The following PTPRD variants were observed in gnomAD, a reference collection of about 807,000 sequenced individuals.
PTPRD encodes the protein protein tyrosine phosphatase receptor type D.
PTPRD carries 34 observed loss-of-function variants against 214.5 expected under a neutral mutation model. The ratio of observed to expected loss-of-function variants is 0.16; its 90% CI spans 0.12 to 0.21. The LOEUF (loss-of-function observed/expected upper bound fraction) is 0.21, where lower values mean the gene tolerates loss of function less well. Ranked by LOEUF, PTPRD falls within the 10% of genes least tolerant of loss-of-function variation. The pLI is 1.00. For missense variants in PTPRD, 2,545 were observed against 2,398.7 expected, an observed-to-expected ratio of 1.06 and a Z score of -1.27; for synonymous variants, 1,128 against 845.7, an observed-to-expected ratio of 1.33 and a Z score of -5.79.
intron 4 of PTPRD, among the ~76,000 whole-genome samples, chr9:9,991,921 G>T (rs946094233): frequency 6.6e-6 from 1 of 151,594 alleles, no homozygotes; most frequent in African/African-American, 2.4e-5. Flanking sequence ...ACATTCAGTA[G>T]AGTAATAATC....
chr9:9,383,282 C>T (rs921483488), intron 9 of PTPRD, among the ~76,000 whole-genome samples: 3 of 152,034 alleles, frequency 2.0e-5, no homozygotes, highest in African/African-American at 4.8e-5. Flanking sequence ...TCCAATGAAC[C>T]AATACCTGCT....
chr9:10,540,590 C>T (rs1163128909), intron 2 of PTPRD, among the ~76,000 whole-genome samples: 1 of 152,138 alleles, frequency 6.6e-6, no homozygotes. Flanking sequence ...TCCATTCCTA[C>T]ATGTTTAGTT....
At chr9:8,567,756 T>C (rs1048950526) in intron 14 of PTPRD, among the ~76,000 whole-genome samples, 2 of 152,158 alleles carry the variant, frequency 1.3e-5, no homozygotes, top group Admixed American at 1.3e-4. Context: ...CTGGAAGTAA[T>C]TATAGATATT....
At chr9:8,975,696 C>T (rs965551151) in intron 11 of PTPRD, among the ~76,000 whole-genome samples, 2 of 151,580 alleles carry the variant, frequency 1.3e-5, no homozygotes, top group African/African-American at 4.8e-5. Flanking sequence ...AAATATGTAA[C>T]TCTGATACTT....
chr9:9,981,032 C>G (rs2095526522), intron 4 of PTPRD, among the ~76,000 whole-genome samples: 1 of 150,810 alleles, frequency 6.6e-6, no homozygotes, highest in Non-Finnish European at 1.5e-5. Flanking sequence ...GATTTCCATT[C>G]CAAGATCTAT....
chr9:8,595,492 A>C (rs2094432296), intron 14 of PTPRD, among the ~76,000 whole-genome samples: 1 of 152,130 alleles, frequency 6.6e-6, no homozygotes, highest in African/African-American at 2.4e-5. Context: ...GGAGAAAAAC[A>C]ATGTACACAC....
intron 11 of PTPRD, among the ~76,000 whole-genome samples, chr9:8,874,024 C>T (rs1202804108): frequency 2.0e-5 from 3 of 152,132 alleles, no homozygotes; most frequent in Non-Finnish European, 4.4e-5. Flanking sequence ...AAAACTACAT[C>T]TAAAAGATTA....
At chr9:9,936,742 T>G (rs1330640054) in intron 5 of PTPRD, among the ~76,000 whole-genome samples, 1 of 138,938 alleles carries the variant, frequency 7.2e-6, no homozygotes, top group Non-Finnish European at 1.5e-5. Flanking sequence ...CCCAAAGGAC[T>G]ATAAATCATG....
intron 9 of PTPRD, among the ~76,000 whole-genome samples, chr9:9,310,682 C>T (rs1036021276): frequency 1.7e-4 from 26 of 152,040 alleles, no homozygotes; most frequent in African/African-American, 5.6e-4. Flanking sequence ...CTTTGGGAGG[C>T]GGAAGCAGGC....
intron 36 of PTPRD, among the ~76,000 whole-genome samples, chr9:8,401,675 A>T (rs2092417566): frequency 6.6e-6 from 1 of 152,162 alleles, no homozygotes; most frequent in Admixed American, 6.5e-5. Flanking sequence ...TTTCCCTGTT[A>T]TTCTCTCAGT....
chr9:8,504,366 G>C lies in PTPRD; in HGVS notation c.1717C>G (p.Gln573Glu), dbSNP rs2137233493. Residue 573 changes from glutamine (Q) to glutamate (E), a missense_variant, in exon 23 of 46, where the codon CAA becomes GAA. By Grantham distance (29) the Gln-to-Glu change is conservative (BLOSUM62 2). Coordinates refer to ENST00000381196, the MANE Select transcript of PTPRD (RefSeq NM_002839.4). ...TIEPGTSYRL[Q>E]GLKPNSLYYF... ...TATAAGCTGTTTGGTTTCAGTCCTT[G>C]CAGCCTATATGATGTCCCTGGCTCA... The C allele has an allele frequency of 6.2e-7, 1 of 1,614,130 alleles. No homozygotes were observed. The highest frequency in any genetic ancestry group is 8.5e-7 in the Non-Finnish European group (1 of 1,179,996).
At chr9:9,204,531 C>T (rs1982319) in intron 9 of PTPRD, among the ~76,000 whole-genome samples, 106,667 of 151,972 alleles carry the variant, frequency 0.7, 37,862 homozygotes, top group Non-Finnish European at 0.75. Flanking sequence ...GGAACACTCA[C>T]GAGTCCTTTG....
chr9:9,682,542 T>C (rs2097094867), intron 7 of PTPRD, among the ~76,000 whole-genome samples: 1 of 151,620 alleles, frequency 6.6e-6, no homozygotes, highest in Non-Finnish European at 1.5e-5. Flanking sequence ...AATGCAAGTG[T>C]GGGTCCTTAT....
chr9:9,265,358 CT>C (rs1938834686), intron 9 of PTPRD, among the ~76,000 whole-genome samples: 1 of 151,544 alleles, frequency 6.6e-6, no homozygotes. Flanking sequence ...AACTCCTGGG[CT>C]GAAGTGATGC....
chr9:8,721,546 T>C (rs2098498548), intron 12 of PTPRD, among the ~76,000 whole-genome samples: 1 of 151,886 alleles, frequency 6.6e-6, no homozygotes, highest in Non-Finnish European at 1.5e-5. Flanking sequence ...TTGATAAAAA[T>C]AAAATATTAA....
In PTPRD at chr9:8,964,190, GTGTTTTT is replaced by G. The variant is rs1287238743; in HGVS notation, c.-104+54500_-104+54506del. Among the ~76,000 whole-genome samples, 10 of 52,948 alleles carry G rather than the reference GTGTTTTT, an allele frequency of 1.9e-4. No individual in the cohort carries two copies. In the East Asian group the frequency reaches 9.3e-3, roughly 49 times the overall value. The allele number at this position is 52,948 out of a possible 152,430, so 34.7% of individuals were successfully genotyped here. A position where few individuals can be genotyped will look rare whatever the true frequency, so the allele number is the denominator to read the frequency against. ...CTGTGAATCTATCTAGTTCAGGGCT[GTGTTTTT>G]TTTTTTTTTTTTTTTTTTTTGCTGA... On this transcript the variant is annotated intron_variant, in intron 11 of 45. Coordinates refer to ENST00000381196, the MANE Select transcript of PTPRD (RefSeq NM_002839.4).
intron 2 of PTPRD, among the ~76,000 whole-genome samples, chr9:10,425,871 T>C (rs1169739242): frequency 6.6e-6 from 1 of 151,966 alleles, no homozygotes; most frequent in Non-Finnish European, 1.5e-5. Context: ...TCATAAGTCA[T>C]ATACAATTTT....
At chr9:9,110,004 A>C (rs2099803878) in intron 10 of PTPRD, among the ~76,000 whole-genome samples, 2 of 152,118 alleles carry the variant, frequency 1.3e-5, no homozygotes, top group African/African-American at 2.4e-5. Flanking sequence ...TTGGCACCAA[A>C]CCAGGAGCTC....
intron 11 of PTPRD, among the ~76,000 whole-genome samples, chr9:8,773,025 T>C (rs972692664): frequency 7.9e-5 from 12 of 152,324 alleles, no homozygotes; most frequent in African/African-American, 2.6e-4. Flanking sequence ...CTCTACTGAA[T>C]GCCCTATGAA....
Sources: allele counts gnomAD v4.1 joint callset (sites outside exome capture counted in the v4.1 genomes callset), GRCh38; gene constraint gnomAD v4.1.1; transcripts MANE v1.5; gene names NCBI Gene and HGNC (gene_info 2026-07-23, HGNC 2026-07-21).